GLIS3: variants seen among roughly 807,000 people sequenced by gnomAD.
GLIS3 encodes GLIS family zinc finger 3.
GLIS3 carries 53 observed loss-of-function variants against 78.6 expected under a neutral mutation model. The ratio of observed to expected loss-of-function variants is 0.67; its 90% CI spans 0.54 to 0.85. The LOEUF (loss-of-function observed/expected upper bound fraction) is 0.85, where lower values mean the gene tolerates loss of function less well. Among genes scored for constraint, GLIS3 ranks in the 40% least tolerant of loss-of-function variants. The pLI, the probability that GLIS3 is intolerant of heterozygous loss-of-function variation, is 0.00. For synonymous variants in GLIS3, 684 were observed against 509.9 expected (o/e 1.34, Z -4.60); for missense variants, 1,703 against 1,231.1 (o/e 1.38, Z -5.74).
intron 2 of GLIS3, among the ~76,000 whole-genome samples, chr9:4,244,775 C>T (rs2129759254): frequency 6.6e-6 from 1 of 152,174 alleles, no homozygotes; most frequent in East Asian, 1.9e-4. Flanking sequence ...GGGTTTCAAC[C>T]ATGCTGGCCA....
At position 3,828,168 on chromosome 9, in the gene GLIS3, T is replaced by C. The variant is rs1588037695; in HGVS notation, c.*104A>G. The C allele has an allele frequency of 4.4e-6, 6 of 1,367,772 alleles. No individual in the cohort carries two copies. The East Asian group carries it at 1.4e-4, about 31-fold the overall frequency. 84.7% of individuals were successfully genotyped at this position (1,367,772 alleles called of 1,614,324 possible). ...ACATCAGTAACTCTGCAGGGCCCGC[T>C]GATTGGGCTGACATCCTTCCTCAAG... On this transcript the variant is annotated 3_prime_UTR_variant, in exon 11 of 11. Transcript: ENST00000381971.
chr9:4,366,311 T>G, the GLIS3 span, among the ~76,000 whole-genome samples: 6 of 152,074 alleles, frequency 3.9e-5, no homozygotes, highest in East Asian at 3.8e-4. Context: ...TAGAAAAGAG[T>G]AGACTTCTTT....
At chr9:3,878,428 A>C (rs1332916854) in intron 8 of GLIS3, among the ~76,000 whole-genome samples, 1 of 152,206 alleles carries the variant, frequency 6.6e-6, no homozygotes, top group African/African-American at 2.4e-5. Context: ...TTGATAAAGG[A>C]AGAAAGTCAT....
chr9:3,860,550 G>A (rs372047774), intron 8 of GLIS3, among the ~76,000 whole-genome samples: 1 of 152,052 alleles, frequency 6.6e-6, no homozygotes, highest in South Asian at 2.1e-4. Context: ...GAGACACGTA[G>A]ACCCTGAGAC....
chr9:4,406,142 C>T, the GLIS3 span, among the ~76,000 whole-genome samples: 6 of 152,052 alleles, frequency 3.9e-5, no homozygotes, highest in African/African-American at 1.2e-4. Context: ...AAACTGAAAG[C>T]CTTTCTTCTT....
chr9:4,318,344 C>A (rs537551625), intron 2 of GLIS3, among the ~76,000 whole-genome samples: 1 of 152,292 alleles, frequency 6.6e-6, no homozygotes, highest in South Asian at 2.1e-4. Context: ...GTCGTGAGCA[C>A]ACCTAGGGCC....
chr9:3,951,890 G>GCACA, intron 4 of GLIS3, among the ~76,000 whole-genome samples: 2 of 88,056 alleles, frequency 2.3e-5, no homozygotes, highest in South Asian at 7.3e-4. Flanking sequence ...ACACACGCAC[G>GCACA]CACACACCCA....
chr9:3,856,189 G>C lies in GLIS3; in HGVS notation c.2298-5C>G. On this transcript the variant is annotated splice_polypyrimidine_tract_variant and splice_region_variant and intron_variant, in intron 8 of 10. Coordinates refer to ENST00000381971, the MANE Select transcript of GLIS3 (RefSeq NM_001042413.2). ...GATGGAGCAGAAGGTGCAAACCTGA[G>C]AAAACAATTATAAAAGGAAACATGA... 1 of 1,612,706 alleles carries C rather than the reference G, an allele frequency of 6.2e-7. No individual in the cohort carries two copies. Among genetic ancestry groups the C allele is most frequent in the Admixed American group, 1.7e-5 (1 of 59,800 alleles).
Position 4,200,101 on chromosome 9 carries a change from A to G in GLIS3, c.389-74160T>C, listed in dbSNP as rs1586956108. Among the ~76,000 whole-genome samples, 3 of 152,222 alleles carry G rather than the reference A, an allele frequency of 2.0e-5. No homozygotes were observed. In the South Asian group the frequency reaches 6.2e-4, roughly 32 times the overall value. On this transcript the variant is annotated intron_variant, in intron 2 of 10. Coordinates refer to ENST00000381971, the MANE Select transcript of GLIS3 (RefSeq NM_001042413.2). ...AGGCAGAAATTTTTTACAAACTTCA[A>G]TATAAATGAAAACAGAGATACAGCA...
chr9:3,915,725 G>C (rs1239442179), intron 6 of GLIS3, among the ~76,000 whole-genome samples: 1 of 152,214 alleles, frequency 6.6e-6, no homozygotes, highest in Non-Finnish European at 1.5e-5. Context: ...ATTACTGGAA[G>C]TAATTTCACA....
intron 9 of GLIS3, among the ~76,000 whole-genome samples, chr9:3,835,699 T>G (rs934097942): frequency 6.6e-6 from 1 of 152,234 alleles, no homozygotes; most frequent in African/African-American, 2.4e-5. Context: ...ACAGAGACCA[T>G]CCAATGTAAA....
At chr9:4,001,832 A>G (rs1295773506) in intron 4 of GLIS3, among the ~76,000 whole-genome samples, 2 of 152,208 alleles carry the variant, frequency 1.3e-5, no homozygotes, top group African/African-American at 2.4e-5. Context: ...ATCTGGATAC[A>G]TCTTCATTGT....
rs1817821065 is a variant in GLIS3 at position 3,828,082 on chromosome 9, G to A, written c.*190C>T. On this transcript the variant is annotated 3_prime_UTR_variant, in exon 11 of 11. Coordinates refer to ENST00000381971, the MANE Select transcript of GLIS3 (RefSeq NM_001042413.2). ...AGTCCAGGAAAACCAGAGAGAAAAA[G>A]GAGCAACTGTAATGATTCCTGCAAA... The A allele has an allele frequency of 1.6e-6, 1 of 644,650 alleles. No homozygotes were observed. The highest frequency in any genetic ancestry group is 2.7e-6 in the Non-Finnish European group (1 of 370,566). 39.9% of individuals were successfully genotyped at this position (644,650 alleles called of 1,614,324 possible).
chr9:3,981,731 T>C (rs1046152143), intron 4 of GLIS3, among the ~76,000 whole-genome samples: 1 of 152,194 alleles, frequency 6.6e-6, no homozygotes, highest in Non-Finnish European at 1.5e-5. Flanking sequence ...GTAGCTGGTT[T>C]TCTGGGGCTT....
At chr9:4,131,708 T>G (rs901791872) in intron 2 of GLIS3, among the ~76,000 whole-genome samples, 10 of 152,128 alleles carry the variant, frequency 6.6e-5, no homozygotes, top group African/African-American at 2.4e-4. Context: ...TTAAACCTCT[T>G]TTCTTTGTAA....
chr9:4,238,598 G>A (rs1484910911), intron 2 of GLIS3, among the ~76,000 whole-genome samples: 1 of 152,196 alleles, frequency 6.6e-6, no homozygotes, highest in Non-Finnish European at 1.5e-5. Flanking sequence ...TTTCTGGGAA[G>A]TAGAATAAGT....
At position 4,118,257 on chromosome 9, in the gene GLIS3, C is replaced by T. The variant is rs1812303718; in HGVS notation, c.1221G>A (p.Leu407=). The T allele has an allele frequency of 6.9e-6, 11 of 1,589,880 alleles. No individual in the cohort carries two copies. Among genetic ancestry groups the T allele is most frequent in the Non-Finnish European group, 9.4e-6 (11 of 1,168,734 alleles). ...CATGCTGCACCACCATGTGGTTGAC[C>T]AGGCCTGGCTGCAGGCCGCCGTGCT... ...QLEHGGLQPG[L]VNHMVVQHGL... The change falls in exon 4 of 11, where the codon CTG becomes CTA. Residue 407 remains leucine (L), a synonymous_variant. Transcript: ENST00000381971. The surrounding 1 kb of genome is among the most constrained non-coding windows in gnomAD (Gnocchi z 4.7).
At chr9:4,240,753 T>C (rs1475086804) in intron 2 of GLIS3, among the ~76,000 whole-genome samples, 1 of 152,142 alleles carries the variant, frequency 6.6e-6, no homozygotes, top group Non-Finnish European at 1.5e-5. Context: ...CAAAAATGGA[T>C]ACTAGGCTTA....
At chr9:4,165,784 G>T (rs1316671213) in intron 2 of GLIS3, among the ~76,000 whole-genome samples, 2 of 152,184 alleles carry the variant, frequency 1.3e-5, no homozygotes, top group Non-Finnish European at 2.9e-5. Context: ...AAGTTTCTGG[G>T]GATAACAATA....
Sources: allele counts gnomAD v4.1 joint callset (sites outside exome capture counted in the v4.1 genomes callset), GRCh38; gene constraint gnomAD v4.1.1; non-coding constraint Gnocchi (gnomAD v3.1); transcripts MANE v1.5; gene names NCBI Gene and HGNC (gene_info 2026-07-23, HGNC 2026-07-21).